The following DRD3 variants were observed in gnomAD, a reference collection of about 807,000 sequenced individuals.
DRD3 encodes dopamine receptor D3.
A neutral mutation model predicts 36.3 loss-of-function variants in DRD3; 19 were observed. The observed-to-expected ratio is 0.52, with a 90% CI of 0.36 to 0.77. The LOEUF (loss-of-function observed/expected upper bound fraction) is 0.77. Ranked by LOEUF, DRD3 falls within the 30% of genes least tolerant of loss-of-function variation. DRD3 has a pLI of 0.00. For synonymous variants in DRD3, 195 were observed against 203.7 expected, an observed-to-expected ratio of 0.96 and a Z score of 0.36; for missense variants, 465 against 505.3, an observed-to-expected ratio of 0.92 and a Z score of 0.77.
chr3:114,139,448 G>A, intron 5 of DRD3, 52 bp downstream of exon 5: 1 of 1,557,474 alleles, frequency 6.4e-7, no homozygotes, highest in Non-Finnish European at 8.8e-7. Context: ...CACAGGCTGG[G>A]AAGTCAGGAG....
intron 1 of DRD3, among the ~76,000 whole-genome samples, chr3:114,188,748 A>G (rs1012436286): frequency 4.6e-5 from 7 of 152,220 alleles, no homozygotes; most frequent in Admixed American, 4.6e-4. Flanking sequence ...ATTAGCAGCA[A>G]AGGAAATAGG....
intron 3 of DRD3, among the ~76,000 whole-genome samples, chr3:114,157,667 A>G (rs1343495580): frequency 6.6e-6 from 1 of 152,130 alleles, no homozygotes; most frequent in Non-Finnish European, 1.5e-5. Context: ...ATATGAACAC[A>G]CTTTGCTCTG....
intron 3 of DRD3, among the ~76,000 whole-genome samples, chr3:114,152,665 T>C (rs1221417219): frequency 1.3e-5 from 2 of 152,180 alleles, no homozygotes; most frequent in African/African-American, 4.8e-5. Context: ...AGTTCACTGC[T>C]CACCTGGGGG....
intron 3 of DRD3, among the ~76,000 whole-genome samples, chr3:114,158,131 T>A (rs2077699440): frequency 6.7e-6 from 1 of 150,082 alleles, no homozygotes; most frequent in Non-Finnish European, 1.5e-5. Context: ...AAAAGAGGGG[T>A]CCAGATGCAG....
In DRD3 at chr3:114,128,796, T is replaced by C. The variant is rs148428613; in HGVS notation, c.1123A>G (p.Asn375Asp). Residue 375 changes from asparagine to aspartate, a missense_variant, in exon 7 of 7, where the codon AAT becomes GAT. Coordinates refer to ENST00000383673, the MANE Select transcript of DRD3 (RefSeq NM_000796.6). ...YSATTWLGYV[N>D]SALNPVIYTT... ...TAGATCACAGGGTTGAGGGCGCTATTCACGTAGCCCAGCCATGTCGTGGCA... is the reference window on the plus strand; with the variant it reads ...TAGATCACAGGGTTGAGGGCGCTATCCACGTAGCCCAGCCATGTCGTGGCA... 1.9e-6 allele frequency: 3 copies of C among 1,613,852 alleles called. No individual in the cohort carries two copies. Among genetic ancestry groups the C allele is most frequent in the Non-Finnish European group, 2.5e-6 (3 of 1,179,970 alleles).
chr3:114,150,549 T>C (rs892947133), intron 3 of DRD3, among the ~76,000 whole-genome samples: 1 of 152,250 alleles, frequency 6.6e-6, no homozygotes, highest in African/African-American at 2.4e-5. Flanking sequence ...AACTGTTAAC[T>C]GTCTGCCTCA....
At chr3:114,142,590 C>A (rs2077535638) in intron 4 of DRD3, among the ~76,000 whole-genome samples, 1 of 152,078 alleles carries the variant, frequency 6.6e-6, no homozygotes, top group African/African-American at 2.4e-5. Flanking sequence ...CATTATCTTG[C>A]AAGAATATTA....
At chr3:114,196,628 TC>T (rs35089000) in intron 1 of DRD3, among the ~76,000 whole-genome samples, 8,382 of 152,312 alleles carry the variant, frequency 0.055, 782 homozygotes, top group African/African-American at 0.19. Flanking sequence ...CAGCTCTACA[TC>T]CTTACTGAAC....
chr3:114,148,660 A>G (rs2077590516), intron 3 of DRD3, among the ~76,000 whole-genome samples: 1 of 152,134 alleles, frequency 6.6e-6, no homozygotes, highest in Non-Finnish European at 1.5e-5. Context: ...CAGACCCAGT[A>G]CTTAGACCTT....
intron 5 of DRD3, among the ~76,000 whole-genome samples, chr3:114,134,889 A>C (rs1013173465): frequency 3.0e-4 from 45 of 152,250 alleles, no homozygotes; most frequent in African/African-American, 1.0e-3. Context: ...AAATCAGGCT[A>C]GTCATCACTT....
At chr3:114,156,763 C>CTTTCTTACTTTCTTTCTT (rs2077676325) in intron 3 of DRD3, among the ~76,000 whole-genome samples, 17 of 102,062 alleles carry the variant, frequency 1.7e-4, no homozygotes, top group African/African-American at 5.6e-4. Context: ...TTCTTTCTTT[C>CTTTCTTACTTTCTTTCTT]TTTCTTTCTT....
At chr3:114,171,116 A>G (rs1005721089) in intron 2 of DRD3, among the ~76,000 whole-genome samples, 1 of 152,186 alleles carries the variant, frequency 6.6e-6, no homozygotes, top group African/African-American at 2.4e-5. Flanking sequence ...GCTCTGTACT[A>G]TTCATGGACA....
At chr3:114,174,697 A>G (rs908938168) in intron 1 of DRD3, among the ~76,000 whole-genome samples, 3 of 151,458 alleles carry the variant, frequency 2.0e-5, no homozygotes, top group Non-Finnish European at 4.4e-5. Flanking sequence ...GTGAGATGCT[A>G]GATTACTCTC....
intron 2 of DRD3, among the ~76,000 whole-genome samples, chr3:114,169,011 G>A (rs923107961): frequency 1.3e-5 from 2 of 151,810 alleles, no homozygotes. Flanking sequence ...CAGCAGTCTC[G>A]GTGGTCAACA....
At chr3:114,156,779 CT>C (rs1440567787) in intron 3 of DRD3, among the ~76,000 whole-genome samples, 1 of 78,554 alleles carries the variant, frequency 1.3e-5, no homozygotes, top group East Asian at 3.8e-4. Flanking sequence ...TTCTTTCTTT[CT>C]TTCTTTCTTT....
intron 3 of DRD3, among the ~76,000 whole-genome samples, chr3:114,154,607 T>TAA (rs755237264): frequency 3.9e-5 from 6 of 152,296 alleles, no homozygotes; most frequent in Non-Finnish European, 8.8e-5. Context: ...TTTGCAAATA[T>TAA]AAAGTGCTTA....
intron 1 of DRD3, among the ~76,000 whole-genome samples, chr3:114,173,277 T>G (rs2077864597): frequency 6.6e-6 from 1 of 152,154 alleles, no homozygotes; most frequent in African/African-American, 2.4e-5. Flanking sequence ...TATAAACTAC[T>G]CAGTTTATGG....
chr3:114,141,787 C>G (rs2077525599), intron 4 of DRD3, among the ~76,000 whole-genome samples: 1 of 152,084 alleles, frequency 6.6e-6, no homozygotes, highest in Non-Finnish European at 1.5e-5. Flanking sequence ...CATGGTGGCT[C>G]ACGCCTGTAA....
At chr3:114,167,788 T>C (rs1171091224) in intron 2 of DRD3, among the ~76,000 whole-genome samples, 3 of 152,204 alleles carry the variant, frequency 2.0e-5, no homozygotes, top group Non-Finnish European at 2.9e-5. Context: ...ATATAACCTA[T>C]GTTAAATCAA....
Sources: allele counts gnomAD v4.1 joint callset (sites outside exome capture counted in the v4.1 genomes callset), GRCh38; gene constraint gnomAD v4.1.1; transcripts MANE v1.5; gene names NCBI Gene and HGNC (gene_info 2026-07-23, HGNC 2026-07-21).